GMDS: variants seen among roughly 807,000 people sequenced by gnomAD.
GMDS encodes GDP-mannose 4,6-dehydratase.
GMDS carries 20 observed loss-of-function variants against 49.9 expected under a neutral mutation model. The observed-to-expected ratio is 0.40, with a 90% CI of 0.28 to 0.58. GMDS has a LOEUF of 0.58. GMDS is among the 20% of genes least tolerant of loss of function. The pLI is 0.42. For synonymous variants in GMDS, 177 were observed against 178.6 expected, an observed-to-expected ratio of 0.99 and a Z score of 0.07; for missense variants, 362 against 481.4, an observed-to-expected ratio of 0.75 and a Z score of 2.32.
intron 9 of GMDS, among the ~76,000 whole-genome samples, chr6:1,683,634 T>C (rs535206691): frequency 5.9e-5 from 9 of 152,260 alleles, no homozygotes; most frequent in Admixed American, 1.3e-4. Flanking sequence ...TACATAGAAA[T>C]GACACGATAC....
At chr6:1,922,439 AG>A (rs1408431870) in intron 7 of GMDS, among the ~76,000 whole-genome samples, 4 of 152,338 alleles carry the variant, frequency 2.6e-5, no homozygotes, top group African/African-American at 2.4e-5. Flanking sequence ...CAGAGGCAGG[AG>A]GCAGACAGGG....
intron 7 of GMDS, among the ~76,000 whole-genome samples, chr6:1,860,039 T>C (rs867195979): frequency 1.8e-4 from 27 of 152,320 alleles, no homozygotes; most frequent in Middle Eastern, 6.8e-3. Context: ...CTAGACTTCA[T>C]ATTGTAGTGA....
intron 7 of GMDS, among the ~76,000 whole-genome samples, chr6:1,747,025 A>C (rs538660003): frequency 3.3e-5 from 5 of 152,234 alleles, no homozygotes; most frequent in Admixed American, 1.3e-4. Context: ...TTAAAATGTC[A>C]AATAAAAATA....
chr6:2,012,405 T>C (rs1477432836), intron 4 of GMDS, among the ~76,000 whole-genome samples: 1 of 152,038 alleles, frequency 6.6e-6, no homozygotes, highest in East Asian at 1.9e-4. Flanking sequence ...TTATGTGAAA[T>C]ATAAGTATGA....
At chr6:2,023,882 A>G (rs563417961) in intron 4 of GMDS, among the ~76,000 whole-genome samples, 5 of 152,306 alleles carry the variant, frequency 3.3e-5, no homozygotes, top group Non-Finnish European at 7.4e-5. Context: ...AATAAAGGTT[A>G]CATAGGAAAG....
intron 7 of GMDS, among the ~76,000 whole-genome samples, chr6:1,860,718 G>A (rs1002440796): frequency 5.3e-5 from 8 of 152,332 alleles, no homozygotes; most frequent in Middle Eastern, 6.8e-3. Context: ...ATTGTCAACC[G>A]TGAAGAAGAG....
intron 8 of GMDS, among the ~76,000 whole-genome samples, chr6:1,730,450 T>C (rs1766746858): frequency 6.6e-6 from 1 of 152,060 alleles, no homozygotes; most frequent in South Asian, 2.1e-4. Context: ...TCCCAAATGC[T>C]CAGGAAGTGA....
In GMDS at chr6:2,191,953, C is replaced by T. The variant is rs1779039257; in HGVS notation, c.102+53368G>A. 6.6e-6 allele frequency among the ~76,000 whole-genome samples: 1 copy of T among 152,204 alleles called. No homozygotes were observed. Among genetic ancestry groups the T allele is most frequent in the South Asian group, 2.1e-4 (1 of 4,832 alleles). On this transcript the variant is annotated intron_variant, in intron 1 of 10. Coordinates refer to ENST00000380815, the MANE Select transcript of GMDS (RefSeq NM_001500.4). This position sits in a 1 kb window ranked among gnomAD's most constrained non-coding sequence, Gnocchi z 4.6. ...ACTTTTCTGGGCCTGCCCATGACCA[C>T]CCATGGACCAACTGGCACACACTTC...
intron 7 of GMDS, among the ~76,000 whole-genome samples, chr6:1,763,744 C>G (rs1371161684): frequency 6.6e-6 from 1 of 152,216 alleles, no homozygotes; most frequent in Non-Finnish European, 1.5e-5. Context: ...ATCTAGAAAG[C>G]GGAAGAACCA....
At chr6:1,982,817 A>G (rs1158018358) in intron 4 of GMDS, among the ~76,000 whole-genome samples, 1 of 152,228 alleles carries the variant, frequency 6.6e-6, no homozygotes, top group Non-Finnish European at 1.5e-5. Context: ...CAATTTATAT[A>G]TTCAATGCTA....
At chr6:1,991,688 G>A (rs974659754) in intron 4 of GMDS, among the ~76,000 whole-genome samples, 13 of 152,086 alleles carry the variant, frequency 8.5e-5, no homozygotes, top group Admixed American at 5.2e-4. Flanking sequence ...CCAGGGCTTC[G>A]TTCATGTTGC....
At chr6:2,064,906 G>C (rs1771448363) in intron 4 of GMDS, among the ~76,000 whole-genome samples, 1 of 152,150 alleles carries the variant, frequency 6.6e-6, no homozygotes, top group Non-Finnish European at 1.5e-5. Flanking sequence ...TACTGTTATG[G>C]ATAAGGAAGC....
chr6:2,230,573 G>A (rs929015680), intron 1 of GMDS, among the ~76,000 whole-genome samples: 1 of 152,032 alleles, frequency 6.6e-6, no homozygotes, highest in African/African-American at 2.4e-5. Flanking sequence ...TTTTGGTAAC[G>A]CTTAAATAGG....
At chr6:1,649,238 T>C (rs1763579476) in intron 9 of GMDS, among the ~76,000 whole-genome samples, 2 of 152,180 alleles carry the variant, frequency 1.3e-5, no homozygotes, top group African/African-American at 4.8e-5. Flanking sequence ...AGGAAGACAT[T>C]AGCCGATTAC....
At chr6:2,192,557 T>G (rs551242819) in intron 1 of GMDS, among the ~76,000 whole-genome samples, 1 of 152,338 alleles carries the variant, frequency 6.6e-6, no homozygotes, top group Non-Finnish European at 1.5e-5. Context: ...CTGTGACTCC[T>G]TCTTTGGGGC....
At chr6:2,117,036 G>T (rs574136128) in intron 3 of GMDS, among the ~76,000 whole-genome samples, 1 of 152,292 alleles carries the variant, frequency 6.6e-6, no homozygotes, top group African/African-American at 2.4e-5. Flanking sequence ...GAACAGTTTT[G>T]ATTGCCATTT....
At chr6:1,642,816 A>G in intron 9 of GMDS, among the ~76,000 whole-genome samples, 1 of 152,228 alleles carries the variant, frequency 6.6e-6, no homozygotes, top group East Asian at 1.9e-4. Context: ...TCCAAGTCCA[A>G]CAGGAAGATC....
At chr6:1,718,549 C>T (rs1265089604) in intron 9 of GMDS, among the ~76,000 whole-genome samples, 7 of 152,196 alleles carry the variant, frequency 4.6e-5, no homozygotes, top group South Asian at 2.1e-4. Flanking sequence ...GCCCTGGTTC[C>T]GTGAGTCCCT....
intron 9 of GMDS, among the ~76,000 whole-genome samples, chr6:1,681,047 A>C (rs1764769345): frequency 6.6e-6 from 1 of 152,174 alleles, no homozygotes; most frequent in African/African-American, 2.4e-5. Flanking sequence ...CATACATCGA[A>C]TATACATACA....
Sources: allele counts gnomAD v4.1 joint callset (sites outside exome capture counted in the v4.1 genomes callset), GRCh38; gene constraint gnomAD v4.1.1; non-coding constraint Gnocchi (gnomAD v3.1); transcripts MANE v1.5; gene names NCBI Gene and HGNC (gene_info 2026-07-23, HGNC 2026-07-21).